The following PLEKHA5 variants were observed in gnomAD, a reference collection of about 807,000 sequenced individuals.
PLEKHA5 encodes pleckstrin homology domain-containing family A member 5.
A neutral mutation model predicts 181.9 loss-of-function variants in PLEKHA5; 55 were observed. That is an observed-to-expected ratio of 0.30 (90% CI 0.24 to 0.38). PLEKHA5 has a LOEUF of 0.38. PLEKHA5 is among the 10% of genes least tolerant of loss of function. The pLI, the probability that PLEKHA5 is intolerant of heterozygous loss-of-function variation, is 1.00. For synonymous variants in PLEKHA5, 535 were observed against 529.4 expected (o/e 1.01, Z -0.15); for missense variants, 1,432 against 1,549.5 (o/e 0.92, Z 1.27).
chr12:19,272,730 C>A (rs2073304819), intron 10 of PLEKHA5, among the ~76,000 whole-genome samples: 1 of 152,188 alleles, frequency 6.6e-6, no homozygotes, highest in African/African-American at 2.4e-5. Context: ...CGGCAAGAGA[C>A]CTTATCTCAA....
chr12:19,157,143 A>T (rs751676739), intron 3 of PLEKHA5, among the ~76,000 whole-genome samples: 26 of 146,008 alleles, frequency 1.8e-4, no homozygotes, highest in Non-Finnish European at 3.5e-4. Context: ...TGTATATGTT[A>T]TACAGCTTAC....
At chr12:19,321,066 C>T (rs1185494590) in intron 18 of PLEKHA5, among the ~76,000 whole-genome samples, 1 of 151,674 alleles carries the variant, frequency 6.6e-6, no homozygotes, top group Non-Finnish European at 1.5e-5. Flanking sequence ...ACTCGGGAGT[C>T]TGAGGCCTGA....
chr12:19,331,370 A>T (rs11832611), intron 20 of PLEKHA5, among the ~76,000 whole-genome samples: 8,096 of 151,922 alleles, frequency 0.053, 355 homozygotes, highest in East Asian at 0.2. Context: ...ATTTTTTTTT[A>T]AATAGAATTT....
chr12:19,253,862 T>C lies in PLEKHA5; in HGVS notation c.228-78T>C. ...GCTGGAAGTTTGAATTTCATTTCCTTTGTAGACTAATGTTACAATAAATAA... is the reference window on the plus strand; with the variant it reads ...GCTGGAAGTTTGAATTTCATTTCCTCTGTAGACTAATGTTACAATAAATAA... On this transcript the variant is annotated intron_variant, in intron 3 of 31. Transcript: ENST00000429027. 3.3e-6 allele frequency: 3 copies of C among 895,580 alleles called. No individual in the cohort carries two copies. The South Asian group carries it at 4.3e-5, about 13-fold the overall frequency. The allele number at this position is 895,580 out of a possible 1,614,324, so 55.5% of individuals were successfully genotyped here. A position where few individuals can be genotyped will look rare whatever the true frequency, so the allele number is the denominator to read the frequency against.
intron 12 of PLEKHA5, among the ~76,000 whole-genome samples, chr12:19,287,118 C>T (rs973654404): frequency 6.6e-6 from 1 of 152,120 alleles, no homozygotes; most frequent in Non-Finnish European, 1.5e-5. Context: ...CCACGTCAGC[C>T]TTCCGAGTAG....
At chr12:19,375,490 G>A (rs1050374625) in intron 31 of PLEKHA5, 41 bp from the exon 32 acceptor site, 3 of 152,386 alleles carry the variant, frequency 2.0e-5, no homozygotes, top group African/African-American at 2.4e-5. Context: ...ATTAATTAAC[G>A]TTGCAGGTGT....
chr12:19,183,048 T>G (rs2048972333), intron 3 of PLEKHA5, among the ~76,000 whole-genome samples: 1 of 152,100 alleles, frequency 6.6e-6, no homozygotes, highest in African/African-American at 2.4e-5. Flanking sequence ...CTAATTAAAG[T>G]TTAAAAACCA....
intron 3 of PLEKHA5, among the ~76,000 whole-genome samples, chr12:19,247,788 G>T (rs1023794037): frequency 4.0e-5 from 6 of 151,086 alleles, no homozygotes; most frequent in Admixed American, 1.3e-4. Flanking sequence ...GAGGGCATTC[G>T]TTCATTTTAT....
intron 3 of PLEKHA5, among the ~76,000 whole-genome samples, chr12:19,193,904 G>A (rs1482823547): frequency 6.6e-6 from 1 of 152,110 alleles, no homozygotes; most frequent in East Asian, 1.9e-4. Context: ...AGCCAGAGCA[G>A]GAGCTTTAAA....
At chr12:19,275,126 T>C in intron 11 of PLEKHA5, 143 bp downstream of exon 11, 1 of 623,996 alleles carries the variant, frequency 1.6e-6, no homozygotes, top group Non-Finnish European at 2.8e-6. Flanking sequence ...TTGTTTATAA[T>C]GATCAGATAT....
At chr12:19,271,698 A>C (rs1334855862) in intron 10 of PLEKHA5, among the ~76,000 whole-genome samples, 1 of 152,142 alleles carries the variant, frequency 6.6e-6, no homozygotes, top group Non-Finnish European at 1.5e-5. Context: ...AAAAACTGAT[A>C]ATTACTCGTA....
rs1249686230 is a variant in PLEKHA5 at position 19,274,750 on chromosome 12, G to C, written c.1080G>C (p.Glu360Asp). ...TGAATTCTCTGCCATCTGAATATGA[G>C]AGTGGGTCAGCATGCCCTGCTCAGA... The part of the protein sequence containing the change: ...VKLNSLPSEY[E>D]SGSACPAQTV... The change falls in exon 11 of 32, where the codon GAG becomes GAC. Residue 360 changes from glutamate (E) to aspartate (D), a missense_variant. Coordinates refer to ENST00000429027, the MANE Select transcript of PLEKHA5 (RefSeq NM_001256470.2). 2 of 1,614,156 alleles carry C rather than the reference G, an allele frequency of 1.2e-6. No homozygotes were observed. The highest frequency in any genetic ancestry group is 1.7e-5 in the Admixed American group (1 of 60,026).
chr12:19,156,132 C>G (rs947959462), intron 3 of PLEKHA5, among the ~76,000 whole-genome samples: 1 of 151,842 alleles, frequency 6.6e-6, no homozygotes, highest in Non-Finnish European at 1.5e-5. Context: ...TTGCAGGGAC[C>G]GCCCTGGAGT....
Position 19,266,223 on chromosome 12 carries a change from C to T in PLEKHA5, c.711+373C>T, listed in dbSNP as rs2070328137. Among the ~76,000 whole-genome samples the T allele has an allele frequency of 2.0e-5, 3 of 151,338 alleles. No individual in the cohort carries two copies. In the South Asian group the frequency reaches 6.3e-4, roughly 32 times the overall value. On this transcript the variant is annotated intron_variant, in intron 8 of 31. Coordinates refer to ENST00000429027, the MANE Select transcript of PLEKHA5 (RefSeq NM_001256470.2). ...GGTCTGGGCACAGTGGCGGTAATTC[C>T]AGCACTTCCGGAGACCAAGGTGGGA...
At chr12:19,201,380 A>G (rs1174269242) in intron 3 of PLEKHA5, 1 of 152,096 alleles carries the variant, frequency 6.6e-6, no homozygotes, top group Non-Finnish European at 1.5e-5. Flanking sequence ...ACTCTGTTAC[A>G]CTAGTAATAG....
chr12:19,157,782 C>G (rs2042098556), intron 3 of PLEKHA5, among the ~76,000 whole-genome samples: 1 of 152,102 alleles, frequency 6.6e-6, no homozygotes, highest in Non-Finnish European at 1.5e-5. Context: ...GGTCAGCATT[C>G]TACCCAAAAA....
At chr12:19,147,569 A>G (rs982213307) in intron 3 of PLEKHA5, among the ~76,000 whole-genome samples, 2 of 149,762 alleles carry the variant, frequency 1.3e-5, no homozygotes, top group African/African-American at 2.5e-5. Context: ...CTGCTGTTTG[A>G]AAAAGATATT....
At chr12:19,225,416 A>G (rs756576294) in intron 3 of PLEKHA5, among the ~76,000 whole-genome samples, 6 of 152,298 alleles carry the variant, frequency 3.9e-5, no homozygotes, top group Non-Finnish European at 8.8e-5. Context: ...ATTTGCAAAC[A>G]AGTAAAATTC....
chr12:19,372,004 C>CT (rs1252659497), intron 31 of PLEKHA5: 12 of 151,472 alleles, frequency 7.9e-5, no homozygotes, highest in Non-Finnish European at 1.0e-4. Context: ...TATGGCCATT[C>CT]TTTTTTTTTG....
Sources: allele counts gnomAD v4.1 joint callset (sites outside exome capture counted in the v4.1 genomes callset), GRCh38; gene constraint gnomAD v4.1.1; transcripts MANE v1.5; gene names NCBI Gene and HGNC (gene_info 2026-07-23, HGNC 2026-07-21).